PTPRE: variants seen among roughly 807,000 people sequenced by gnomAD.
PTPRE encodes receptor-type tyrosine-protein phosphatase epsilon.
PTPRE carries 51 observed loss-of-function variants against 102.0 expected under a neutral mutation model. The observed-to-expected ratio is 0.50, with a 90% confidence interval of 0.40 to 0.63. The LOEUF (loss-of-function observed/expected upper bound fraction) is 0.63. PTPRE is among the 30% of genes least tolerant of loss of function. The pLI is 0.00. For synonymous variants in PTPRE, 345 were observed against 348.2 expected, an observed-to-expected ratio of 0.99 and a Z score of 0.10; for missense variants, 752 against 915.1, an observed-to-expected ratio of 0.82 and a Z score of 2.30.
At chr10:128,035,376 C>T (rs1035370393) in intron 2 of PTPRE, among the ~76,000 whole-genome samples, 2 of 152,002 alleles carry the variant, frequency 1.3e-5, no homozygotes, top group African/African-American at 4.8e-5. Context: ...TAATAGCCTC[C>T]CAGCTTAATA....
At chr10:128,034,944 C>T (rs1475885269) in intron 2 of PTPRE, among the ~76,000 whole-genome samples, 1 of 152,102 alleles carries the variant, frequency 6.6e-6, no homozygotes, top group African/African-American at 2.4e-5. Flanking sequence ...ATTTTATTTT[C>T]AGATAATCAA....
At chr10:128,027,070 G>A (rs989926210) in intron 2 of PTPRE, among the ~76,000 whole-genome samples, 1 of 152,248 alleles carries the variant, frequency 6.6e-6, no homozygotes, top group Non-Finnish European at 1.5e-5. Context: ...ACCCACAGCT[G>A]TGGTTTTCAT....
chr10:128,030,277 C>A (rs1203283986), intron 2 of PTPRE, among the ~76,000 whole-genome samples: 1 of 152,238 alleles, frequency 6.6e-6, no homozygotes, highest in African/African-American at 2.4e-5. Context: ...TGATGAGTTA[C>A]AGTTTACAAG....
intron 10 of PTPRE, among the ~76,000 whole-genome samples, chr10:128,064,620 G>A (rs929546510): frequency 2.6e-5 from 4 of 152,202 alleles, no homozygotes; most frequent in African/African-American, 9.6e-5. Flanking sequence ...TGGGGCTCAA[G>A]GACGCCCTCA....
chr10:127,994,959 T>G (rs938646200), intron 2 of PTPRE, among the ~76,000 whole-genome samples: 11 of 152,146 alleles, frequency 7.2e-5, no homozygotes, highest in Non-Finnish European at 1.3e-4. Context: ...GCATTGAACT[T>G]CTGTGTCTTG....
intron 2 of PTPRE, among the ~76,000 whole-genome samples, chr10:128,007,502 A>G (rs947649462): frequency 1.1e-4 from 17 of 152,320 alleles, no homozygotes; most frequent in African/African-American, 3.4e-4. Flanking sequence ...ATGTGTGTCC[A>G]TTTATCCTGA....
At chr10:127,908,805 C>T (rs946640461) in intron 1 of PTPRE, among the ~76,000 whole-genome samples, 17 of 152,178 alleles carry the variant, frequency 1.1e-4, no homozygotes, top group African/African-American at 3.9e-4. Context: ...CTGTGAGTCA[C>T]CACCGCCCCC....
intron 20 of PTPRE, among the ~76,000 whole-genome samples, chr10:128,079,983 C>T (rs2136082608): frequency 6.6e-6 from 1 of 152,278 alleles, no homozygotes; most frequent in South Asian, 2.1e-4. Flanking sequence ...GCTTTTGTGT[C>T]AAAGTGAACT....
intron 2 of PTPRE, among the ~76,000 whole-genome samples, chr10:127,988,304 C>CTTTTTTTTTTTTTTTT (rs57166500): frequency 8.1e-6 from 1 of 123,842 alleles, no homozygotes. Flanking sequence ...TTTTTCTTTT[C>CTTTTTTTTTTTTTTTT]TTTTTTTTTT....
intron 2 of PTPRE, among the ~76,000 whole-genome samples, chr10:128,032,205 G>A (rs1846817228): frequency 6.6e-6 from 1 of 152,042 alleles, no homozygotes; most frequent in African/African-American, 2.4e-5. Context: ...TAGTAGAGAT[G>A]GGGTTATACC....
At chr10:127,999,413 G>A in intron 2 of PTPRE, 1 of 334,630 alleles carries the variant, frequency 3.0e-6, no homozygotes. Context: ...AACCACGGGG[G>A]GAATCATGAT....
At chr10:128,077,854 G>A (rs971671737) in intron 19 of PTPRE, 71 bp downstream of exon 19, 1 of 1,509,284 alleles carries the variant, frequency 6.6e-7, no homozygotes, top group East Asian at 2.4e-5. Flanking sequence ...CCGCAGCTGT[G>A]GGCAGCAGAG....
chr10:128,070,022 T>C lies in PTPRE; in HGVS notation c.1143+195T>C. ...CTCCCTCGTCCTCATCTTTCCCTCG[T>C]ATCCTCATGTGAGATGGGGCAATCC... On this transcript the variant is annotated intron_variant, in intron 13 of 20. Coordinates refer to ENST00000254667, the MANE Select transcript of PTPRE (RefSeq NM_006504.6). This position sits in a 1 kb window ranked among gnomAD's most constrained non-coding sequence, Gnocchi z 4.8. 1.3e-6 allele frequency: 1 copy of C among 797,336 alleles called. No individual in the cohort carries two copies. Among genetic ancestry groups the C allele is most frequent in the Non-Finnish European group, 2.0e-6 (1 of 508,046 alleles). 49.4% of individuals were successfully genotyped at this position (797,336 alleles called of 1,614,324 possible). A position where few individuals can be genotyped will look rare whatever the true frequency, so the allele number is the denominator to read the frequency against.
At chr10:128,051,499 C>G (rs1848562698) in intron 6 of PTPRE, among the ~76,000 whole-genome samples, 1 of 152,250 alleles carries the variant, frequency 6.6e-6, no homozygotes, top group Non-Finnish European at 1.5e-5. Context: ...CCCTGTTGCC[C>G]TGGGCCCTGA....
intron 2 of PTPRE, among the ~76,000 whole-genome samples, chr10:128,033,655 A>C (rs2135755449): frequency 6.6e-6 from 1 of 152,266 alleles, no homozygotes; most frequent in South Asian, 2.1e-4. Flanking sequence ...TTACTTATTT[A>C]TTTATTCAAG....
At chr10:128,061,060 T>G in intron 8 of PTPRE, 45 bp downstream of exon 8, 1 of 1,572,030 alleles carries the variant, frequency 6.4e-7, no homozygotes, top group Non-Finnish European at 8.8e-7. Flanking sequence ...AGCTGGGGCA[T>G]GAGCAGTAAG....
chr10:128,002,436 A>G (rs549350882), intron 2 of PTPRE, among the ~76,000 whole-genome samples: 1 of 152,250 alleles, frequency 6.6e-6, no homozygotes, highest in East Asian at 1.9e-4. Context: ...AGCACCCTCT[A>G]TCTAATTCCA....
At chr10:128,072,785 A>C (rs1190241790) in intron 16 of PTPRE, 1 of 152,754 alleles carries the variant, frequency 6.5e-6, no homozygotes, top group African/African-American at 2.4e-5. Context: ...CATATCTGTT[A>C]CACACCAATT....
chr10:128,060,888 A>C, intron 7 of PTPRE, 51 bp from the exon 8 acceptor site: 1 of 1,541,306 alleles, frequency 6.5e-7, no homozygotes, highest in Non-Finnish European at 9.0e-7. Context: ...AAGAGACAGC[A>C]CTGTGATTCC....
Sources: gnomAD v4.1 joint callset for allele counts (sites outside exome capture counted in the v4.1 genomes callset) on GRCh38, gnomAD v4.1.1 for gene constraint, Gnocchi (gnomAD v3.1) non-coding constraint, MANE v1.5 for transcripts, NCBI Gene and HGNC (gene_info 2026-07-23, HGNC 2026-07-21) for gene names.